The following NPY variants were observed in gnomAD, a reference collection of about 807,000 sequenced individuals.
The protein encoded by NPY is neuropeptide Y.
In NPY, 11 loss-of-function variants were observed where a neutral mutation model predicts 13.2. The ratio of observed to expected loss-of-function variants is 0.83; its 90% CI spans 0.52 to 1.38. NPY has a LOEUF of 1.38. NPY is among the 40% of genes most tolerant of loss of function. NPY has a pLI of 0.00. For missense variants in NPY, 109 were observed against 125.1 expected, an observed-to-expected ratio of 0.87 and a Z score of 0.61; for synonymous variants, 51 against 55.6, an observed-to-expected ratio of 0.92 and a Z score of 0.37.
At chr7:24,288,249 A>T (rs1297061353) in intron 2 of NPY, among the ~76,000 whole-genome samples, 1 of 152,206 alleles carries the variant, frequency 6.6e-6, no homozygotes, top group African/African-American at 2.4e-5. Context: ...AGAATAAATA[A>T]GTATAAGCAG....
Position 24,285,524 on chromosome 7 carries a change from G to T in NPY, c.188+96G>T. 7.7e-7 allele frequency: 1 copy of T among 1,297,104 alleles called. No homozygotes were observed. The allele number at this position is 1,297,104 out of a possible 1,614,324, so 80.3% of individuals were successfully genotyped here. A position where few individuals can be genotyped will look rare whatever the true frequency, so the allele number is the denominator to read the frequency against. The stretch of plus-strand genomic sequence containing the variant: ...GGAAAGGGATTGTTTCTTTTCCTTC[G>T]CTCTATCCCAGGGCAGGACAGTATC... On this transcript the variant is annotated intron_variant, in intron 2 of 3. Transcript: ENST00000242152. The surrounding 1 kb of genome is among the most constrained non-coding windows in gnomAD (Gnocchi z 4.9).
At chr7:24,290,727 A>C (rs901295354) in intron 3 of NPY, among the ~76,000 whole-genome samples, 5 of 150,270 alleles carry the variant, frequency 3.3e-5, no homozygotes, top group Admixed American at 1.3e-4. Flanking sequence ...GGAAACAGGC[A>C]GAAAATTTGT....
intron 2 of NPY, among the ~76,000 whole-genome samples, chr7:24,288,793 C>T (rs557794349): frequency 6.6e-6 from 1 of 151,774 alleles, no homozygotes; most frequent in South Asian, 2.1e-4. Flanking sequence ...TAGCATTTGG[C>T]ACCTTGAATG....
In NPY at chr7:24,285,027, G is replaced by C. The variant is rs373041018; in HGVS notation, c.1-214G>C. On this transcript the variant is annotated intron_variant, in intron 1 of 3. Coordinates refer to ENST00000242152, the MANE Select transcript of NPY (RefSeq NM_000905.4). This position sits in a 1 kb window ranked among gnomAD's most constrained non-coding sequence, Gnocchi z 4.9. ...CGAACGAAGTTGCGCGAAGTTTTCA[G>C]GTGGAGCAGAGGGGCAGGTCCCGAC... The C allele has an allele frequency of 1.0e-4, 61 of 592,288 alleles. No individual in the cohort carries two copies. The highest frequency in any genetic ancestry group is 8.5e-4 in the East Asian group (30 of 35,174). The allele number at this position is 592,288 out of a possible 1,614,324, so 36.7% of individuals were successfully genotyped here.
In NPY at chr7:24,285,157, G is replaced by A. The variant is rs1433708971; in HGVS notation, c.1-84G>A. On this transcript the variant is annotated intron_variant, in intron 1 of 3. Coordinates refer to ENST00000242152, the MANE Select transcript of NPY (RefSeq NM_000905.4). This position sits in a 1 kb window ranked among gnomAD's most constrained non-coding sequence, Gnocchi z 4.9. ...GGGTCGCGTGTGGTAGCAGGAGGAGGAGCGCGGGGGGCAGAGGAGGGAGGT... is the reference window on the plus strand; with the variant it reads ...GGGTCGCGTGTGGTAGCAGGAGGAGAAGCGCGGGGGGCAGAGGAGGGAGGT... 1.4e-6 allele frequency: 2 copies of A among 1,420,082 alleles called. No homozygotes were observed. The highest frequency in any genetic ancestry group is 2.0e-6 in the Non-Finnish European group (2 of 1,013,986). The allele number at this position is 1,420,082 out of a possible 1,614,324, so 88.0% of individuals were successfully genotyped here.
chr7:24,291,519 A>G (rs983693062), intron 3 of NPY, 144 bp from the exon 4 acceptor site: 1 of 860,892 alleles, frequency 1.2e-6, no homozygotes, highest in Non-Finnish European at 1.9e-6. Flanking sequence ...GATATTCCAC[A>G]TGGCTTCTTA....
chr7:24,291,477 G>T (rs566240505), intron 3 of NPY, among the ~76,000 whole-genome samples, 186 bp from the exon 4 acceptor site: 34 of 152,300 alleles, frequency 2.2e-4, no homozygotes, highest in African/African-American at 7.5e-4. Context: ...CTCAGCTGGG[G>T]CTGTGCATAT....
chr7:24,289,380 A>G (rs1382711266), intron 2 of NPY, 119 bp from the exon 3 acceptor site: 4 of 538,438 alleles, frequency 7.4e-6, no homozygotes, highest in Non-Finnish European at 1.3e-5. Context: ...TGCTTGTTAC[A>G]GATGAACACC....
chr7:24,287,919 G>C (rs183274602), intron 2 of NPY, among the ~76,000 whole-genome samples: 1 of 152,130 alleles, frequency 6.6e-6, no homozygotes, highest in African/African-American at 2.4e-5. Flanking sequence ...CTGGGCTTTA[G>C]AGTGTGTTTT....
At position 24,285,580 on chromosome 7, in the gene NPY, G is replaced by C. The variant is rs1389279481; in HGVS notation, c.188+152G>C. On this transcript the variant is annotated intron_variant, in intron 2 of 3. Coordinates refer to ENST00000242152, the MANE Select transcript of NPY (RefSeq NM_000905.4). The surrounding 1 kb of genome is among the most constrained non-coding windows in gnomAD (Gnocchi z 4.9). Reference sequence around the variant, plus strand: ...CTTAGTCAGCTCTAGGTAAATGTTTGTACAGGGCACACTCTACACAAAATG... The same window carrying C: ...CTTAGTCAGCTCTAGGTAAATGTTTCTACAGGGCACACTCTACACAAAATG... The C allele has an allele frequency of 4.0e-6, 3 of 745,606 alleles. No individual in the cohort carries two copies. In the African/African-American group the frequency reaches 5.3e-5, roughly 13 times the overall value. 46.2% of individuals were successfully genotyped at this position (745,606 alleles called of 1,614,324 possible).
At chr7:24,284,954 GGCCC>G (rs1285738145) in intron 1 of NPY, 7 of 521,678 alleles carry the variant, frequency 1.3e-5, no homozygotes, top group Non-Finnish European at 2.1e-5. Flanking sequence ...AAACTGGCGG[GGCCC>G]CCACCTTGCA....
chr7:24,287,447 G>A (rs201370907), intron 2 of NPY, among the ~76,000 whole-genome samples: 26 of 85,866 alleles, frequency 3.0e-4, no homozygotes, highest in East Asian at 1.3e-3. Context: ...CTTTCCCCCC[G>A]CCCCCCGCCA....
intron 3 of NPY, 140 bp from the exon 4 acceptor site, chr7:24,291,512 ATTCCACATGGC>A: frequency 1.2e-6 from 1 of 817,670 alleles, no homozygotes; most frequent in Admixed American, 2.6e-5. Context: ...ACGATCTGAT[ATTCCACATGGC>A]TTCTTATTTA....
chr7:24,287,674 A>G (rs769164120), intron 2 of NPY, among the ~76,000 whole-genome samples: 1 of 152,074 alleles, frequency 6.6e-6, no homozygotes, highest in Non-Finnish European at 1.5e-5. Flanking sequence ...GGTTTTCACA[A>G]CTGGAGGTGG....
Position 24,288,835 on chromosome 7 carries a change from G to A in NPY, c.189-664G>A, listed in dbSNP as rs1332507075. Among the ~76,000 whole-genome samples, 3 of 152,136 alleles carry A rather than the reference G, an allele frequency of 2.0e-5. No homozygotes were observed. In the East Asian group the frequency reaches 5.8e-4, roughly 29 times the overall value. ...GAAAATATAAGACCCAGGGTCTGTT[G>A]GTAGCCAGAAGAATGGATGCATTTC... On this transcript the variant is annotated intron_variant, in intron 2 of 3. Transcript: ENST00000242152.
Position 24,291,682 on chromosome 7 carries a change from T to G in NPY, c.289T>G (p.Trp97Gly), listed in dbSNP as rs1264878548. ...PRTRLEDPAM[W>G] Reference sequence around the variant, plus strand: ...TTACAGGCTTGAAGACCCTGCAATGTGGTGATGGGAAATGAGACTTGCTCT... The same window carrying G: ...TTACAGGCTTGAAGACCCTGCAATGGGGTGATGGGAAATGAGACTTGCTCT... The change falls in exon 4 of 4, where the codon TGG (tryptophan) becomes GGG (glycine). Residue 97 changes from tryptophan (W) to glycine (G), a missense_variant. Transcript: ENST00000242152. 2 of 1,614,170 alleles carry G rather than the reference T, an allele frequency of 1.2e-6. No individual in the cohort carries two copies. Among genetic ancestry groups the G allele is most frequent in the Non-Finnish European group, 1.7e-6 (2 of 1,180,008 alleles).
chr7:24,288,075 G>A (rs557975651), intron 2 of NPY, among the ~76,000 whole-genome samples: 7 of 152,288 alleles, frequency 4.6e-5, no homozygotes, highest in South Asian at 4.2e-4. Context: ...GTACTGAACT[G>A]GATGCAAGAT....
At chr7:24,290,775 A>AATAATATTATTATTATT (rs10701264) in intron 3 of NPY, among the ~76,000 whole-genome samples, 1 of 129,638 alleles carries the variant, frequency 7.7e-6, no homozygotes, top group Non-Finnish European at 1.6e-5. Flanking sequence ...TAATAATAAT[A>AATAATATTATTATTATT]ATTATTATTA....
chr7:24,288,195 C>T (rs1197521922), intron 2 of NPY, among the ~76,000 whole-genome samples: 10 of 152,114 alleles, frequency 6.6e-5, no homozygotes, highest in Admixed American at 6.5e-4. Flanking sequence ...AAATGAGTTA[C>T]AGTTGCCCTA....
Sources: allele counts gnomAD v4.1 joint callset (sites outside exome capture counted in the v4.1 genomes callset), GRCh38; gene constraint gnomAD v4.1.1; non-coding constraint Gnocchi (gnomAD v3.1); transcripts MANE v1.5; gene names NCBI Gene and HGNC (gene_info 2026-07-23, HGNC 2026-07-21).